SLC22A3: variants seen among roughly 807,000 people sequenced by gnomAD.
SLC22A3 encodes EMT organic cation transporter 3.
SLC22A3 carries 51 observed loss-of-function variants against 59.1 expected under a neutral mutation model. That is an observed-to-expected ratio of 0.86 (90% CI 0.69 to 1.09). The LOEUF is 1.09. Ranked by LOEUF, SLC22A3 falls within the 50% of genes least tolerant of loss-of-function variation. The pLI is 0.00. For synonymous variants in SLC22A3, 325 were observed against 292.0 expected (o/e 1.11, Z -1.15); for missense variants, 711 against 726.3 (o/e 0.98, Z 0.24).
intron 7 of SLC22A3, among the ~76,000 whole-genome samples, chr6:160,437,443 G>T (rs1252479815): frequency 6.6e-6 from 1 of 152,164 alleles, no homozygotes; most frequent in African/African-American, 2.4e-5. Context: ...AATAGATATT[G>T]TGCCCAATCT....
At chr6:160,366,974 C>T (rs1329397575) in intron 1 of SLC22A3, among the ~76,000 whole-genome samples, 1 of 152,196 alleles carries the variant, frequency 6.6e-6, no homozygotes, top group African/African-American at 2.4e-5. Flanking sequence ...TCTGAGCCCT[C>T]CAAGCTGTTT....
intron 9 of SLC22A3, among the ~76,000 whole-genome samples, chr6:160,445,268 G>A (rs1451944146): frequency 6.6e-6 from 1 of 152,184 alleles, no homozygotes; most frequent in Non-Finnish European, 1.5e-5. Context: ...CTGTGCTCCA[G>A]GCAGTGGAAA....
intron 2 of SLC22A3, among the ~76,000 whole-genome samples, chr6:160,403,097 G>T (rs941474939): frequency 2.7e-5 from 4 of 150,904 alleles, no homozygotes; most frequent in Non-Finnish European, 4.4e-5. Flanking sequence ...ACCAAAAGCT[G>T]GTTATTTGAA....
Position 160,348,456 on chromosome 6 carries a change from G to A in SLC22A3, c.37G>A (p.Glu13Lys), listed in dbSNP as rs751402095. 9 of 1,533,484 alleles carry A rather than the reference G, an allele frequency of 5.9e-6. No individual in the cohort carries two copies. The highest frequency in any genetic ancestry group is 3.8e-5 in the Admixed American group (2 of 52,364). 95.0% of individuals were successfully genotyped at this position (1,533,484 alleles called of 1,614,324 possible). Reference sequence around the variant, plus strand: ...CGACGAGGCGCTGCAGCGGGTGGGCGAGTTCGGGCGCTTCCAGAGGCGCGT... The same window carrying A: ...CGACGAGGCGCTGCAGCGGGTGGGCAAGTTCGGGCGCTTCCAGAGGCGCGT... ...SFDEALQRVG[E>K]FGRFQRRVFL... Residue 13 changes from glutamate (E) to lysine (K), a missense_variant, in exon 1 of 11, where the codon GAG becomes AAG. Physicochemically the swap from Glu to Lys is moderately conservative, Grantham distance 56. Coordinates refer to ENST00000275300, the MANE Select transcript of SLC22A3 (RefSeq NM_021977.4).
intron 1 of SLC22A3, among the ~76,000 whole-genome samples, chr6:160,365,299 CAA>C (rs1328704695): frequency 6.6e-6 from 1 of 152,130 alleles, no homozygotes; most frequent in African/African-American, 2.4e-5. Context: ...GTGACTCACC[CAA>C]GTTAAGATGT....
chr6:160,389,990 T>C (rs1192451391), intron 1 of SLC22A3, among the ~76,000 whole-genome samples: 2 of 152,256 alleles, frequency 1.3e-5, no homozygotes, highest in East Asian at 3.8e-4. Flanking sequence ...ATGCAGTGAC[T>C]CAAGATGTTT....
chr6:160,385,242 G>A (rs981217817), intron 1 of SLC22A3, among the ~76,000 whole-genome samples: 1 of 152,206 alleles, frequency 6.6e-6, no homozygotes, highest in African/African-American at 2.4e-5. Flanking sequence ...CTGAAGAATT[G>A]TGCTGAGCCC....
intron 1 of SLC22A3, among the ~76,000 whole-genome samples, chr6:160,387,911 C>T (rs865975229): frequency 1.3e-5 from 2 of 152,162 alleles, no homozygotes; most frequent in South Asian, 2.1e-4. Context: ...TTATTATGGG[C>T]ATGACCTTGT....
At chr6:160,372,008 C>T (rs1205842296) in intron 1 of SLC22A3, among the ~76,000 whole-genome samples, 1 of 152,140 alleles carries the variant, frequency 6.6e-6, no homozygotes, top group Admixed American at 6.5e-5. Context: ...ATCCTTTGCC[C>T]ACTTTTTGAT....
At position 160,397,290 on chromosome 6, in the gene SLC22A3, G is replaced by A. The variant is rs953813600; in HGVS notation, c.430-689G>A. On this transcript the variant is annotated intron_variant, in intron 1 of 10. Transcript: ENST00000275300. ...GCTCCTATGAGAATCTAATGCCGCT[G>A]CTGAGCTGACAGGAGGCAGAGCTCA... Among the ~76,000 whole-genome samples the A allele has an allele frequency of 2.6e-5, 4 of 152,068 alleles. No homozygotes were observed. The East Asian group carries it at 7.7e-4, about 29-fold the overall frequency.
intron 1 of SLC22A3, among the ~76,000 whole-genome samples, chr6:160,379,059 A>T (rs923022951): frequency 1.3e-5 from 2 of 152,234 alleles, no homozygotes; most frequent in African/African-American, 4.8e-5. Context: ...TTGACATTTT[A>T]TGGCGGCAGA....
At chr6:160,361,956 A>G (rs1785026763) in intron 1 of SLC22A3, among the ~76,000 whole-genome samples, 1 of 152,204 alleles carries the variant, frequency 6.6e-6, no homozygotes, top group African/African-American at 2.4e-5. Context: ...TTGAGAATAC[A>G]ATGAAACATC....
intron 5 of SLC22A3, 27 bp downstream of exon 5, chr6:160,410,873 A>T: frequency 7.4e-7 from 1 of 1,352,854 alleles, no homozygotes; most frequent in Admixed American, 1.7e-5. Flanking sequence ...TGAGTAACAA[A>T]TATTGCTAAA....
chr6:160,428,618 A>G (rs1426684341), intron 5 of SLC22A3, among the ~76,000 whole-genome samples: 1 of 152,158 alleles, frequency 6.6e-6, no homozygotes, highest in Non-Finnish European at 1.5e-5. Flanking sequence ...TTATAAATTA[A>G]TTTCCCCTGT....
intron 1 of SLC22A3, among the ~76,000 whole-genome samples, chr6:160,394,933 T>G (rs956212424): frequency 1.3e-5 from 2 of 152,156 alleles, no homozygotes; most frequent in Non-Finnish European, 2.9e-5. Flanking sequence ...AAGCAGAATG[T>G]CCACTACCTC....
chr6:160,362,297 G>C (rs73782567), intron 1 of SLC22A3, among the ~76,000 whole-genome samples: 1,534 of 152,324 alleles, frequency 0.01, 33 homozygotes, highest in African/African-American at 0.034. Context: ...ACAGTTTGTA[G>C]AATGCTTTTC....
At chr6:160,387,694 C>T (rs1562479395) in intron 1 of SLC22A3, among the ~76,000 whole-genome samples, 1 of 152,076 alleles carries the variant, frequency 6.6e-6, no homozygotes, top group Non-Finnish European at 1.5e-5. Context: ...TTGCCAGCCC[C>T]ATCAGGCTTT....
chr6:160,410,672 A>T, intron 4 of SLC22A3, 57 bp from the exon 5 acceptor site: 1 of 1,076,526 alleles, frequency 9.3e-7, no homozygotes, highest in Non-Finnish European at 1.4e-6. Context: ...TCAAGGCAAT[A>T]GATTTTAGCG....
At chr6:160,381,894 A>C (rs1311564965) in intron 1 of SLC22A3, among the ~76,000 whole-genome samples, 1 of 152,192 alleles carries the variant, frequency 6.6e-6, no homozygotes, top group African/African-American at 2.4e-5. Flanking sequence ...AGTCCAGTGG[A>C]ATGGAGAAAA....
Sources: allele counts gnomAD v4.1 joint callset (sites outside exome capture counted in the v4.1 genomes callset), GRCh38; gene constraint gnomAD v4.1.1; transcripts MANE v1.5; gene names NCBI Gene and HGNC (gene_info 2026-07-23, HGNC 2026-07-21).